MSI2: variants seen among roughly 807,000 people sequenced by gnomAD.
MSI2 encodes the protein RNA-binding protein Musashi homolog 2.
In MSI2, 17 loss-of-function variants were observed where a neutral mutation model predicts 45.6. That is an observed-to-expected ratio of 0.37 (90% CI 0.26 to 0.56). The LOEUF is 0.56. Among genes scored for constraint, MSI2 ranks in the 20% least tolerant of loss-of-function variants. The pLI is 0.77. For synonymous variants in MSI2, 156 were observed against 158.2 expected, an observed-to-expected ratio of 0.99 and a Z score of 0.11; for missense variants, 293 against 444.2, an observed-to-expected ratio of 0.66 and a Z score of 3.06.
intron 11 of MSI2, among the ~76,000 whole-genome samples, chr17:57,671,198 C>T (rs946913269): frequency 7.2e-5 from 11 of 152,174 alleles, no homozygotes; most frequent in African/African-American, 1.4e-4. Context: ...AAACTGCCAT[C>T]CTAGAGCAGG....
intron 7 of MSI2, among the ~76,000 whole-genome samples, chr17:57,557,416 C>A (rs961536286): frequency 1.3e-5 from 2 of 152,246 alleles, no homozygotes; most frequent in African/African-American, 4.8e-5. Flanking sequence ...GGGGCCAAAG[C>A]CCCCTTTCCC....
At chr17:57,672,205 A>G (rs1026904307) in intron 11 of MSI2, among the ~76,000 whole-genome samples, 4 of 152,200 alleles carry the variant, frequency 2.6e-5, no homozygotes, top group Non-Finnish European at 5.9e-5. Flanking sequence ...GGGATTTGAA[A>G]GCTGCATTCT....
At chr17:57,577,191 G>A (rs757711492) in intron 7 of MSI2, among the ~76,000 whole-genome samples, 9 of 152,320 alleles carry the variant, frequency 5.9e-5, no homozygotes, top group South Asian at 2.1e-4. Context: ...ATGAGTGGCC[G>A]TTTGTGAAGT....
chr17:57,328,479 C>T (rs1028954059), intron 5 of MSI2, among the ~76,000 whole-genome samples: 2 of 152,164 alleles, frequency 1.3e-5, no homozygotes, highest in Non-Finnish European at 2.9e-5. Context: ...ATATATTTCT[C>T]CTCTTAAAAA....
At chr17:57,554,824 G>A (rs2087393621) in intron 7 of MSI2, among the ~76,000 whole-genome samples, 1 of 152,254 alleles carries the variant, frequency 6.6e-6, no homozygotes, top group Non-Finnish European at 1.5e-5. Context: ...TAAAGCCTGG[G>A]CTTTGGCCCG....
At chr17:57,693,246 G>A in the MSI2 span, among the ~76,000 whole-genome samples, 2 of 148,142 alleles carry the variant, frequency 1.4e-5, no homozygotes, top group African/African-American at 4.9e-5. Context: ...GCAGTGGCGC[G>A]ATCTTGGCTC....
chr17:57,509,040 G>A (rs762178222), intron 6 of MSI2, among the ~76,000 whole-genome samples: 6 of 152,098 alleles, frequency 3.9e-5, no homozygotes, highest in Admixed American at 1.3e-4. Flanking sequence ...AGGGATCCTC[G>A]GGCAGCCCTG....
At chr17:57,616,177 C>A in intron 9 of MSI2, 93 bp downstream of exon 9, 1 of 835,382 alleles carries the variant, frequency 1.2e-6, no homozygotes, top group South Asian at 1.5e-5. Context: ...GGGCAAACTG[C>A]TTCACCTTTC....
intron 12 of MSI2, among the ~76,000 whole-genome samples, chr17:57,675,485 C>T (rs762869405): frequency 3.2e-4 from 48 of 152,326 alleles, no homozygotes; most frequent in African/African-American, 4.8e-4. Flanking sequence ...GAGGATTATT[C>T]GAAACAGTGT....
chr17:57,291,514 A>G (rs1218067212), intron 5 of MSI2, among the ~76,000 whole-genome samples: 1 of 152,216 alleles, frequency 6.6e-6, no homozygotes, highest in Non-Finnish European at 1.5e-5. Flanking sequence ...GAGGCTTTTA[A>G]TGTTGCAGAA....
chr17:57,582,245 TAG>T (rs1440335217), intron 7 of MSI2, among the ~76,000 whole-genome samples: 1 of 152,122 alleles, frequency 6.6e-6, no homozygotes, highest in Admixed American at 6.5e-5. Flanking sequence ...CACCTTCTCC[TAG>T]AGAGTCTCCA....
At chr17:57,298,822 A>G (rs535168971) in intron 5 of MSI2, among the ~76,000 whole-genome samples, 1 of 152,206 alleles carries the variant, frequency 6.6e-6, no homozygotes, top group Non-Finnish European at 1.5e-5. Flanking sequence ...CCCTAACAAG[A>G]CAGTCAGCCT....
rs947261164 is a variant in MSI2, at chr17:57,612,862, G to A, written c.538-3108G>A. ...GCTATTAGGAAGTGAGCTGGTTAGC[G>A]GTATTATTCCCCTTGCTGGTGTTGG... On this transcript the variant is annotated intron_variant, in intron 8 of 13. Coordinates refer to ENST00000284073, the MANE Select transcript of MSI2 (RefSeq NM_138962.4). Among the ~76,000 whole-genome samples the A allele has an allele frequency of 1.1e-4, 16 of 152,176 alleles. No homozygotes were observed. In the East Asian group the frequency reaches 2.9e-3, roughly 27 times the overall value.
At chr17:57,400,597 T>C (rs2083971225) in intron 5 of MSI2, among the ~76,000 whole-genome samples, 1 of 152,078 alleles carries the variant, frequency 6.6e-6, no homozygotes, top group Middle Eastern at 3.2e-3. Flanking sequence ...GACAGGGATA[T>C]GGAGACACTG....
intron 9 of MSI2, among the ~76,000 whole-genome samples, chr17:57,618,752 C>A (rs1457652456): frequency 1.3e-5 from 2 of 152,128 alleles, no homozygotes; most frequent in Non-Finnish European, 1.5e-5. Flanking sequence ...CCATGTTGGC[C>A]AGGATGGTCT....
Position 57,675,005 on chromosome 17 carries a change from G to C in MSI2, c.824G>C (p.Gly275Ala), listed in dbSNP as rs1314849362. The change falls in exon 12 of 14, where the codon GGG (glycine) becomes GCG (alanine). Residue 275 changes from glycine to alanine, a missense_variant. Coordinates refer to ENST00000284073, the MANE Select transcript of MSI2 (RefSeq NM_138962.4). The stretch of plus-strand genomic sequence containing the variant: ...CCGGCGCGGCCCGGAGGCTTCCCGG[G>C]GGCCAACAGCCCAGGACCTGTCGCC... ...SNPARPGGFP[G>A]ANSPGPVADL... 2 of 1,613,588 alleles carry C rather than the reference G, an allele frequency of 1.2e-6. No homozygotes were observed. The highest frequency in any genetic ancestry group is 1.1e-5 in the South Asian group (1 of 91,064).
At chr17:57,362,560 A>G (rs1237677227) in intron 5 of MSI2, among the ~76,000 whole-genome samples, 1 of 152,186 alleles carries the variant, frequency 6.6e-6, no homozygotes. Context: ...GCATTTTCTA[A>G]CAATTTTATT....
intron 7 of MSI2, among the ~76,000 whole-genome samples, chr17:57,550,253 G>A (rs2087272881): frequency 7.2e-5 from 11 of 152,206 alleles, no homozygotes; most frequent in Admixed American, 7.2e-4. Flanking sequence ...GGAAGCAGTG[G>A]TTGTCAAGGC....
At chr17:57,424,310 GA>G (rs1323440429) in intron 6 of MSI2, among the ~76,000 whole-genome samples, 6 of 152,208 alleles carry the variant, frequency 3.9e-5, no homozygotes, top group Admixed American at 3.9e-4. Context: ...ACATACATTT[GA>G]AGATCTTCTA....
Sources: allele counts gnomAD v4.1 joint callset (sites outside exome capture counted in the v4.1 genomes callset), GRCh38; gene constraint gnomAD v4.1.1; transcripts MANE v1.5; gene names NCBI Gene and HGNC (gene_info 2026-07-23, HGNC 2026-07-21).